Variants in TRMT1L observed in about 807,000 individuals in gnomAD.
The protein encoded by TRMT1L is tRNA (guanine(27)-N(2))-dimethyltransferase.
TRMT1L carries 28 observed loss-of-function variants against 81.6 expected under a neutral mutation model. The observed-to-expected ratio is 0.34, with a 90% CI of 0.25 to 0.47. TRMT1L has a LOEUF of 0.47. Ranked by LOEUF, TRMT1L falls within the 20% of genes least tolerant of loss-of-function variation. The pLI is 1.00. For missense variants in TRMT1L, 739 were observed against 877.1 expected (o/e 0.84, Z 1.99); for synonymous variants, 301 against 303.2 (o/e 0.99, Z 0.07).
At chr1:185,135,935 T>C (rs1652889674) in intron 10 of TRMT1L, among the ~76,000 whole-genome samples, 1 of 152,204 alleles carries the variant, frequency 6.6e-6, no homozygotes, top group Non-Finnish European at 1.5e-5. Flanking sequence ...GAAACTTTTA[T>C]TACAATTAAT....
intron 2 of TRMT1L, among the ~76,000 whole-genome samples, chr1:185,150,943 T>C (rs985588322): frequency 1.3e-5 from 2 of 152,176 alleles, no homozygotes; most frequent in Admixed American, 6.5e-5. Context: ...CATGTGGAGT[T>C]AGAAAAATGG....
chr1:185,150,503 A>T lies in TRMT1L; in HGVS notation c.347-11T>A, dbSNP rs370808243. ...AAGCCTGTCTGTTGCCTTAAAAAGA[A>T]AAAAGAATCAATAAACAACAGAATA... is the stretch of plus-strand genomic sequence containing the variant. On this transcript the variant is annotated splice_polypyrimidine_tract_variant and intron_variant, in intron 2 of 14. Transcript: ENST00000367506. The T allele has an allele frequency of 6.4e-7, 1 of 1,573,898 alleles. No individual in the cohort carries two copies. Among genetic ancestry groups the T allele is most frequent in the African/African-American group, 1.3e-5 (1 of 74,260 alleles).
intron 10 of TRMT1L, among the ~76,000 whole-genome samples, chr1:185,132,547 A>AAAATAAAAAT (rs1557986659): frequency 2.0e-5 from 3 of 151,300 alleles, no homozygotes; most frequent in Non-Finnish European, 3.0e-5. Flanking sequence ...AATAAAAATA[A>AAAATAAAAAT]AAATAAATAA....
chr1:185,125,514 C>G (rs1337297551), intron 11 of TRMT1L, among the ~76,000 whole-genome samples: 1 of 151,990 alleles, frequency 6.6e-6, no homozygotes, highest in East Asian at 1.9e-4. Flanking sequence ...CATATCAGTT[C>G]TCTAAACTAG....
At chr1:185,140,359 C>A (rs1000971544) in intron 7 of TRMT1L, 137 bp from the exon 8 acceptor site, 1 of 756,804 alleles carries the variant, frequency 1.3e-6, no homozygotes, top group Non-Finnish European at 2.0e-6. Flanking sequence ...TTCCTTCTTA[C>A]TACAAAGCTT....
intron 3 of TRMT1L, 27 bp from the exon 4 acceptor site, chr1:185,147,273 T>C: frequency 6.5e-7 from 1 of 1,543,168 alleles, no homozygotes; most frequent in African/African-American, 1.4e-5. Flanking sequence ...CTGGTTATCA[T>C]ACATTGTTCA....
At position 185,120,148 on chromosome 1, in the gene TRMT1L, G is replaced by GT; in HGVS notation, c.2072dup (p.Tyr691Ter). 1 of 1,613,938 alleles carries GT rather than the reference G, an allele frequency of 6.2e-7. No homozygotes were observed. The highest frequency in any genetic ancestry group is 8.5e-7 in the Non-Finnish European group (1 of 1,179,916). ...GTCCTCCAGTGTAGGTGGGGGTGCTGTACTTTAAAAGGATAGATTTAAACT... is the reference window on the plus strand; with the variant it reads ...GTCCTCCAGTGTAGGTGGGGGTGCTGTTACTTTAAAAGGATAGATTTAAACT... Reference protein sequence around the residue: ...LMQFKSILLKYSTPTYTGGQS... With the variant: ...LMQFKSILLK Residue 691 changes from tyrosine to a stop codon, truncating the protein, a stop_gained and frameshift_variant, in exon 15 of 15, where the codon TAC (tyrosine) becomes TAAC (stop). Coordinates refer to ENST00000367506, the MANE Select transcript of TRMT1L (RefSeq NM_030934.5). LOFTEE classifies it high-confidence loss of function.
intron 3 of TRMT1L, among the ~76,000 whole-genome samples, chr1:185,149,882 T>C (rs1424591950): frequency 6.6e-6 from 1 of 152,156 alleles, no homozygotes; most frequent in African/African-American, 2.4e-5. Flanking sequence ...AAATATTTGT[T>C]TGTTTCCATT....
chr1:185,145,443 A>C lies in TRMT1L; in HGVS notation c.651T>G (p.Ile217Met). ...MNKGETKSSY[I>M]AASTAKPPKE... is the part of the protein sequence containing the mutation. ...TAATGAGATTGCTCAACTTACCTGC[A>C]ATATAACTAGATTTAGTCTCTCCTT... The change falls in exon 5 of 15, where the codon ATT becomes ATG. Residue 217 changes from isoleucine (I) to methionine (M), a missense_variant. Ile to Met is a conservative substitution (Grantham distance 10). Around this residue, in one of 4 missense-constraint regions of TRMT1L, gnomAD observed 331 missense variants for 462.2 expected, o/e 0.72. Coordinates refer to ENST00000367506, the MANE Select transcript of TRMT1L (RefSeq NM_030934.5). 6.2e-7 allele frequency: 1 copy of C among 1,609,608 alleles called. No homozygotes were observed. The highest frequency in any genetic ancestry group is 8.5e-7 in the Non-Finnish European group (1 of 1,176,980).
At chr1:185,129,927 T>C (rs1450544306) in intron 10 of TRMT1L, among the ~76,000 whole-genome samples, 1 of 152,190 alleles carries the variant, frequency 6.6e-6, no homozygotes, top group Non-Finnish European at 1.5e-5. Context: ...AAACTACAAA[T>C]ACTTATAAGC....
rs138885238 is a variant in TRMT1L, at chr1:185,127,839, C to T, written c.1592+830G>A. Among the ~76,000 whole-genome samples the T allele has an allele frequency of 5.6e-3, 840 of 151,014 alleles. 32 individuals carry two copies. The East Asian group carries it at 0.085, about 15-fold the overall frequency. On this transcript the variant is annotated intron_variant, in intron 11 of 14. Coordinates refer to ENST00000367506, the MANE Select transcript of TRMT1L (RefSeq NM_030934.5). ...TTCTGATTAAAATAATTTGGCCAGG[C>T]GCAGTGGCTCACACCTGTAATCCTA...
chr1:185,157,520 C>G (rs1653711128), upstream of TRMT1L: 1 of 150,182 alleles, frequency 6.7e-6, no homozygotes, highest in African/African-American at 2.5e-5. Flanking sequence ...GGGGCTGCCC[C>G]TTGCCCGGTG....
At chr1:185,153,354 G>A (rs1653413001) in intron 1 of TRMT1L, among the ~76,000 whole-genome samples, 1 of 152,138 alleles carries the variant, frequency 6.6e-6, no homozygotes, top group Non-Finnish European at 1.5e-5. Context: ...GAGAGATGTA[G>A]ATATTTATAA....
intron 1 of TRMT1L, among the ~76,000 whole-genome samples, chr1:185,156,144 C>T (rs911584444): frequency 6.6e-6 from 1 of 152,170 alleles, no homozygotes. Context: ...GACTGGACTG[C>T]GGGAAACTAC....
chr1:185,125,227 CTTAAA>C (rs1276331050), intron 11 of TRMT1L, 117 bp from the exon 12 acceptor site: 6 of 586,944 alleles, frequency 1.0e-5, no homozygotes, highest in African/African-American at 1.9e-5. Context: ...CAGAGTAATA[CTTAAA>C]TTCAAAAAGA....
At position 185,156,815 on chromosome 1, in the gene TRMT1L, G is replaced by C; in HGVS notation, c.-103C>G. On this transcript the variant is annotated 5_prime_UTR_variant, in exon 1 of 15. Coordinates refer to ENST00000367506, the MANE Select transcript of TRMT1L (RefSeq NM_030934.5). ...CCCACAGGGCTGGATCCAAGGAGTGGGGAAGCAAGTGGGGAGGGCGGGATG... is the reference window on the plus strand; with the variant it reads ...CCCACAGGGCTGGATCCAAGGAGTGCGGAAGCAAGTGGGGAGGGCGGGATG... The C allele has an allele frequency of 6.7e-7, 1 of 1,491,080 alleles. No homozygotes were observed. The allele number at this position is 1,491,080 out of a possible 1,614,324, so 92.4% of individuals were successfully genotyped here.
chr1:185,142,223 T>C (rs1191746304), intron 7 of TRMT1L, among the ~76,000 whole-genome samples: 1 of 152,186 alleles, frequency 6.6e-6, no homozygotes, highest in Non-Finnish European at 1.5e-5. Context: ...TCTCCTCTTT[T>C]AATAGATGAG....
In TRMT1L at chr1:185,156,919, G is replaced by A; in HGVS notation, c.-207C>T. On this transcript the variant is annotated 5_prime_UTR_variant, in exon 1 of 15. Coordinates refer to ENST00000367506, the MANE Select transcript of TRMT1L (RefSeq NM_030934.5). ...CAGAAAGCCAGAGGCAGCGATTCCA[G>A]ATGCCCGTCCGCTTCCCTTTCCCCG... 2 of 665,660 alleles carry A rather than the reference G, an allele frequency of 3.0e-6. No individual in the cohort carries two copies. The highest frequency in any genetic ancestry group is 4.8e-6 in the Non-Finnish European group (2 of 419,542). The allele number at this position is 665,660 out of a possible 1,614,324, so 41.2% of individuals were successfully genotyped here. A position where few individuals can be genotyped will look rare whatever the true frequency, so the allele number is the denominator to read the frequency against.
At chr1:185,140,981 A>C (rs1653023466) in intron 7 of TRMT1L, among the ~76,000 whole-genome samples, 2 of 151,702 alleles carry the variant, frequency 1.3e-5, no homozygotes, top group African/African-American at 4.8e-5. Context: ...AAAAAAAAAA[A>C]AAAACAACAA....
Sources: allele counts gnomAD v4.1 joint callset (sites outside exome capture counted in the v4.1 genomes callset), GRCh38; gene constraint gnomAD v4.1.1; regional missense constraint gnomAD v4.1.1; transcripts MANE v1.5; gene names NCBI Gene and HGNC (gene_info 2026-07-23, HGNC 2026-07-21).